TLE2: variants seen among roughly 807,000 people sequenced by gnomAD.
The protein encoded by TLE2 is TLE family member 2, transcriptional corepressor, also known as transducin-like enhancer protein 2.
In TLE2, 74 loss-of-function variants were observed where a neutral mutation model predicts 97.2. The observed-to-expected ratio is 0.76, with a 90% CI of 0.63 to 0.92. The LOEUF (loss-of-function observed/expected upper bound fraction) is 0.92, where lower values mean the gene tolerates loss of function less well. Among genes scored for constraint, TLE2 ranks in the 40% least tolerant of loss-of-function variants. TLE2 has a pLI of 0.00. For missense variants in TLE2, 1,038 were observed against 1,008.7 expected, an observed-to-expected ratio of 1.03 and a Z score of -0.39; for synonymous variants, 499 against 432.1, an observed-to-expected ratio of 1.15 and a Z score of -1.92.
chr19:3,011,470 T>G (rs1443840212), intron 11 of TLE2, among the ~76,000 whole-genome samples: 4 of 148,708 alleles, frequency 2.7e-5, no homozygotes, highest in Non-Finnish European at 5.9e-5. Context: ...AGACGGAGCT[T>G]GCAGTGAGCC....
chr19:3,002,574 C>T lies in TLE2; in HGVS notation c.1897-71G>A, dbSNP rs908592076. ...TTTGTGTTGAGACAGGGTCTCACTC[C>T]GTCACCCAGGCTGGAGTGCAGTGGC... On this transcript the variant is annotated intron_variant, in intron 17 of 19. Transcript: ENST00000262953. The T allele has an allele frequency of 1.5e-5, 23 of 1,517,762 alleles. No homozygotes were observed. The African/African-American group carries it at 1.9e-4, about 13-fold the overall frequency. The allele number at this position is 1,517,762 out of a possible 1,614,324, so 94.0% of individuals were successfully genotyped here.
At chr19:3,007,341 C>T (rs977540242) in intron 14 of TLE2, among the ~76,000 whole-genome samples, 13 of 152,090 alleles carry the variant, frequency 8.5e-5, no homozygotes, top group African/African-American at 2.9e-4. Flanking sequence ...CCTCCCACCT[C>T]GGCCTCCCAA....
At chr19:2,999,463 C>T (rs2089301319) in intron 19 of TLE2, among the ~76,000 whole-genome samples, 1 of 152,070 alleles carries the variant, frequency 6.6e-6, no homozygotes, top group Non-Finnish European at 1.5e-5. Context: ...TGTGGTGGCT[C>T]ACACCTGTAA....
upstream of TLE2, among the ~76,000 whole-genome samples, chr19:3,031,969 C>A (rs1278534910): frequency 6.6e-6 from 1 of 152,082 alleles, no homozygotes; most frequent in Non-Finnish European, 1.5e-5. Flanking sequence ...GCTCTGCTGC[C>A]CAGGCTGGAG....
upstream of TLE2, among the ~76,000 whole-genome samples, chr19:3,030,031 T>C (rs1207781471): frequency 3.3e-5 from 5 of 152,172 alleles, no homozygotes; most frequent in Non-Finnish European, 5.9e-5. Flanking sequence ...GGTCTTGAAC[T>C]CCTGGACTCA....
At chr19:3,007,379 C>T (rs940312994) in intron 14 of TLE2, among the ~76,000 whole-genome samples, 4 of 152,176 alleles carry the variant, frequency 2.6e-5, no homozygotes, top group African/African-American at 7.2e-5. Context: ...CATGAGCCAC[C>T]GGGCCCAGCC....
chr19:3,001,166 G>A (rs1348886211), intron 18 of TLE2, among the ~76,000 whole-genome samples: 1 of 152,016 alleles, frequency 6.6e-6, no homozygotes, highest in African/African-American at 2.4e-5. Context: ...CCAGCTACTT[G>A]GGAGGCTGAG....
chr19:3,019,203 G>T lies in TLE2; in HGVS notation c.550+80C>A, dbSNP rs2089783773. 2 of 1,512,040 alleles carry T rather than the reference G, an allele frequency of 1.3e-6. No individual in the cohort carries two copies. The allele number at this position is 1,512,040 out of a possible 1,614,324, so 93.7% of individuals were successfully genotyped here. On this transcript the variant is annotated intron_variant, in intron 7 of 19. Transcript: ENST00000262953. The surrounding 1 kb of genome is among the most constrained non-coding windows in gnomAD (Gnocchi z 5.1). ...ATGAGCCACTTCATCCCCTCACGCT[G>T]ATGTTTGCTACCCTGGACTGCCAGT...
At chr19:3,042,073 G>T (rs2145234755) in intron 1 of TLE2, among the ~76,000 whole-genome samples, 1 of 151,824 alleles carries the variant, frequency 6.6e-6, no homozygotes, top group South Asian at 2.1e-4. Flanking sequence ...AGGGGAGTGA[G>T]GGGATTGCGG....
chr19:3,019,961 A>C lies in TLE2; in HGVS notation c.295-188T>G. ...AATTTTGAAATAAGCACACGGAGAA[A>C]GAAACCAAACCTAAGTGCAGGTAGA... On this transcript the variant is annotated intron_variant, in intron 5 of 19. Coordinates refer to ENST00000262953, the MANE Select transcript of TLE2 (RefSeq NM_003260.5). This position sits in a 1 kb window ranked among gnomAD's most constrained non-coding sequence, Gnocchi z 5.1. 1.3e-6 allele frequency: 1 copy of C among 790,660 alleles called. No homozygotes were observed. 49.0% of individuals were successfully genotyped at this position (790,660 alleles called of 1,614,324 possible).
intron 11 of TLE2, among the ~76,000 whole-genome samples, chr19:3,012,229 G>A (rs1344354178): frequency 3.9e-5 from 6 of 151,906 alleles, no homozygotes; most frequent in Admixed American, 1.3e-4. Context: ...CTCCTCCCTG[G>A]GTGACAGAGC....
intron 8 of TLE2, among the ~76,000 whole-genome samples, chr19:3,017,173 T>C (rs2089725809): frequency 6.6e-6 from 1 of 152,080 alleles, no homozygotes; most frequent in Non-Finnish European, 1.5e-5. Context: ...AGTCTCATAC[T>C]GTCGCACAGG....
At position 3,013,892 on chromosome 19, in the gene TLE2, C is replaced by T. The variant is rs148868785; in HGVS notation, c.724-74G>A. 1.2e-4 allele frequency: 152 copies of T among 1,320,636 alleles called. No homozygotes were observed. The African/African-American group carries it at 1.5e-3, about 13-fold the overall frequency. 81.8% of individuals were successfully genotyped at this position (1,320,636 alleles called of 1,614,324 possible). ...AAGAGTCCCTTCTCTATCCTCCTCCCGACTCCCACCCCAATCTCTAGAATG... is the reference window on the plus strand; with the variant it reads ...AAGAGTCCCTTCTCTATCCTCCTCCTGACTCCCACCCCAATCTCTAGAATG... On this transcript the variant is annotated intron_variant, in intron 10 of 19. Transcript: ENST00000262953.
At chr19:3,014,166 C>T (rs188883416) in intron 10 of TLE2, among the ~76,000 whole-genome samples, 3 of 152,046 alleles carry the variant, frequency 2.0e-5, no homozygotes, top group East Asian at 1.9e-4. Flanking sequence ...GTGATCCATT[C>T]GCCTCAGCCT....
chr19:3,033,738 G>T (rs181498602), upstream of TLE2, among the ~76,000 whole-genome samples: 226 of 152,190 alleles, frequency 1.5e-3, no homozygotes, highest in Non-Finnish European at 2.7e-3. Flanking sequence ...CCCTCTCTAA[G>T]CACAGGTGTG....
In TLE2 at chr19:3,019,561, A is replaced by T; in HGVS notation, c.370-98T>A. 1 of 1,493,830 alleles carries T rather than the reference A, an allele frequency of 6.7e-7. No homozygotes were observed. The highest frequency in any genetic ancestry group is 8.9e-7 in the Non-Finnish European group (1 of 1,118,078). The allele number at this position is 1,493,830 out of a possible 1,614,324, so 92.5% of individuals were successfully genotyped here. A position where few individuals can be genotyped will look rare whatever the true frequency, so the allele number is the denominator to read the frequency against. On this transcript the variant is annotated intron_variant, in intron 6 of 19. Coordinates refer to ENST00000262953, the MANE Select transcript of TLE2 (RefSeq NM_003260.5). This position sits in a 1 kb window ranked among gnomAD's most constrained non-coding sequence, Gnocchi z 5.1. ...GACACAGGGGATGGGACCTAAGCAC[A>T]GCATGTGCCCCTGGGGTTCCCAGGA... is the stretch of plus-strand genomic sequence containing the variant.
intron 5 of TLE2, 81 bp downstream of exon 5, chr19:3,024,939 G>C: frequency 8.0e-7 from 1 of 1,250,710 alleles, no homozygotes; most frequent in Non-Finnish European, 1.1e-6. Flanking sequence ...TCAGTGCCTG[G>C]GGCGTCCTCG....
chr19:3,017,168 C>T (rs1343311629), intron 8 of TLE2, among the ~76,000 whole-genome samples: 3 of 151,934 alleles, frequency 2.0e-5, no homozygotes, highest in Non-Finnish European at 4.4e-5. Context: ...GACAGAGTCT[C>T]ATACTGTCGC....
At chr19:3,045,392 T>C (rs1189605676) in intron 1 of TLE2, among the ~76,000 whole-genome samples, 3 of 152,154 alleles carry the variant, frequency 2.0e-5, no homozygotes, top group African/African-American at 7.2e-5. Context: ...GCAGGGGTCG[T>C]GAGCCTCCAA....
Sources: allele counts gnomAD v4.1 joint callset (sites outside exome capture counted in the v4.1 genomes callset), GRCh38; gene constraint gnomAD v4.1.1; non-coding constraint Gnocchi (gnomAD v3.1); transcripts MANE v1.5; gene names NCBI Gene and HGNC (gene_info 2026-07-23, HGNC 2026-07-21).